HMGB1: variants seen among roughly 807,000 people sequenced by gnomAD.
The protein encoded by HMGB1 is high mobility group protein B1.
For synonymous variants in HMGB1, 81 were observed against 84.0 expected (o/e 0.96, Z 0.19); for missense variants, 79 against 253.5 (o/e 0.31, Z 4.67).
chr13:30,524,261 A>G (rs1888309562), intron 1 of HMGB1, among the ~76,000 whole-genome samples: 1 of 151,628 alleles, frequency 6.6e-6, no homozygotes, highest in Non-Finnish European at 1.5e-5. Context: ...TGGGTGCAGC[A>G]AACCACCATA....
chr13:30,556,431 A>G (rs1487883794), intron 1 of HMGB1, among the ~76,000 whole-genome samples: 1 of 152,220 alleles, frequency 6.6e-6, no homozygotes, highest in Non-Finnish European at 1.5e-5. Context: ...CAAGTCATTG[A>G]TAGTATAACG....
Position 30,528,288 on chromosome 13 carries a change from C to G in HMGB1, c.-14-64594G>C, listed in dbSNP as rs140204626. 3.9e-5 allele frequency among the ~76,000 whole-genome samples: 6 copies of G among 152,304 alleles called. No homozygotes were observed. In the East Asian group the frequency reaches 1.2e-3, roughly 29 times the overall value. ...ATTTACCTTCTTTCATGGCCAACCA[C>G]AACCAACTGGGACCATCAGAGGGAT... On this transcript the variant is annotated intron_variant, in intron 1 of 4. Transcript: ENST00000405805.
At chr13:30,580,294 C>T (rs1307387284) in intron 1 of HMGB1, among the ~76,000 whole-genome samples, 6 of 152,168 alleles carry the variant, frequency 3.9e-5, no homozygotes, top group African/African-American at 7.2e-5. Flanking sequence ...CTGTTTCTAG[C>T]CCTCACTTCT....
chr13:30,511,037 C>G (rs1446293079), intron 1 of HMGB1, among the ~76,000 whole-genome samples: 1 of 152,132 alleles, frequency 6.6e-6, no homozygotes, highest in Admixed American at 6.6e-5. Flanking sequence ...GAGCCAGACC[C>G]TATTACTCAT....
chr13:30,474,760 T>C (rs958842119), intron 1 of HMGB1, among the ~76,000 whole-genome samples: 1 of 48,116 alleles, frequency 2.1e-5, no homozygotes, highest in Non-Finnish European at 3.8e-5. Context: ...CTCTCTCTCC[T>C]TTTTTTTTTT....
chr13:30,529,686 A>T lies in HMGB1; in HGVS notation c.-14-65992T>A, dbSNP rs142194419. 7.3e-3 allele frequency among the ~76,000 whole-genome samples: 1,109 copies of T among 152,304 alleles called. 13 individuals carry two copies. Among genetic ancestry groups the T allele is most frequent in the African/African-American group, 0.021 (890 of 41,568 alleles). The stretch of plus-strand genomic sequence containing the variant: ...AAGCACATAGAGAATATTGGACACG[A>T]TTTCTATCGTTGTGAACAAAGGTGA... On this transcript the variant is annotated intron_variant, in intron 1 of 4. Coordinates refer to the HMGB1 transcript ENST00000405805.
At position 30,502,780 on chromosome 13, in the gene HMGB1, A is replaced by T. The variant is rs368325429; in HGVS notation, c.-14-39086T>A. On this transcript the variant is annotated intron_variant, in intron 1 of 4. Transcript: ENST00000405805. Reference sequence around the variant, plus strand: ...AACCTCTGCCTCCTGGATTCAAGTGATTCACCTGCCTCAGCTTCCCAAGTA... The same window carrying T: ...AACCTCTGCCTCCTGGATTCAAGTGTTTCACCTGCCTCAGCTTCCCAAGTA... 2.0e-5 allele frequency among the ~76,000 whole-genome samples: 3 copies of T among 151,928 alleles called. No individual in the cohort carries two copies. In the East Asian group the frequency reaches 5.8e-4, roughly 29 times the overall value.
chr13:30,582,402 T>G (rs9579611), intron 1 of HMGB1, among the ~76,000 whole-genome samples: 40,601 of 151,652 alleles, frequency 0.27, 8,740 homozygotes, highest in African/African-American at 0.6. Flanking sequence ...ACTTTGGGAG[T>G]CCGAGGCGGG....
intron 1 of HMGB1, among the ~76,000 whole-genome samples, chr13:30,571,363 T>G (rs577174077): frequency 6.6e-6 from 1 of 151,868 alleles, no homozygotes; most frequent in Non-Finnish European, 1.5e-5. Flanking sequence ...GGCGCAATCT[T>G]GGCTCACTGC....
At chr13:30,603,346 A>ACC (rs1950422055) in intron 1 of HMGB1, among the ~76,000 whole-genome samples, 1 of 152,162 alleles carries the variant, frequency 6.6e-6, no homozygotes, top group Admixed American at 6.6e-5. Context: ...GGAAGTATCA[A>ACC]GGAGGCAGTT....
chr13:30,588,712 T>A (rs1297220492), intron 1 of HMGB1, among the ~76,000 whole-genome samples: 1 of 151,856 alleles, frequency 6.6e-6, no homozygotes, highest in African/African-American at 2.4e-5. Flanking sequence ...AGGTCAAGAG[T>A]TTGAGACCAG....
intron 1 of HMGB1, among the ~76,000 whole-genome samples, chr13:30,555,292 C>A (rs1157103514): frequency 6.6e-6 from 1 of 152,004 alleles, no homozygotes; most frequent in African/African-American, 2.4e-5. Flanking sequence ...CCGCCCGCCT[C>A]GGCCTCCCAA....
At chr13:30,506,649 C>T (rs762830861) in intron 1 of HMGB1, among the ~76,000 whole-genome samples, 16 of 152,152 alleles carry the variant, frequency 1.1e-4, no homozygotes, top group East Asian at 1.9e-4. Context: ...CATCCACACT[C>T]GAGCTGCCCC....
intron 1 of HMGB1, among the ~76,000 whole-genome samples, chr13:30,594,460 A>T (rs536745485): frequency 3.3e-5 from 5 of 152,242 alleles, no homozygotes; most frequent in Non-Finnish European, 5.9e-5. Flanking sequence ...TCTCCCACTT[A>T]CAAGTGAGAG....
intron 1 of HMGB1, among the ~76,000 whole-genome samples, chr13:30,580,083 A>C (rs1870836067): frequency 6.6e-6 from 1 of 152,220 alleles, no homozygotes; most frequent in Non-Finnish European, 1.5e-5. Flanking sequence ...TTCTGATACA[A>C]AGAGACAGTG....
intron 1 of HMGB1, among the ~76,000 whole-genome samples, chr13:30,485,156 C>T (rs553678312): frequency 1.3e-5 from 2 of 151,896 alleles, no homozygotes; most frequent in South Asian, 4.2e-4. Flanking sequence ...CTCAGCCTCC[C>T]AAGTAGCTGG....
chr13:30,497,267 C>T (rs1336177670), intron 1 of HMGB1, among the ~76,000 whole-genome samples: 1 of 152,146 alleles, frequency 6.6e-6, no homozygotes, highest in African/African-American at 2.4e-5. Flanking sequence ...TTCTCTGTCA[C>T]CCGGGCTTGA....
chr13:30,509,808 G>A (rs936311336), intron 1 of HMGB1, among the ~76,000 whole-genome samples: 3 of 152,098 alleles, frequency 2.0e-5, no homozygotes, highest in Middle Eastern at 3.2e-3. Flanking sequence ...AAATAAACCC[G>A]CGGTGTAGAT....
chr13:30,488,927 T>G (rs958576734), intron 1 of HMGB1, among the ~76,000 whole-genome samples: 3 of 151,916 alleles, frequency 2.0e-5, no homozygotes, highest in Non-Finnish European at 4.4e-5. Context: ...CATATAATAA[T>G]AATGACCTAA....
Sources: allele counts gnomAD v4.1 joint callset (sites outside exome capture counted in the v4.1 genomes callset), GRCh38; gene constraint gnomAD v4.1.1; transcripts MANE v1.5; gene names NCBI Gene and HGNC (gene_info 2026-07-23, HGNC 2026-07-21).